Variants in SIPA1L1 observed in about 807,000 individuals in gnomAD.
The protein encoded by SIPA1L1 is signal induced proliferation associated 1 like 1.
A neutral mutation model predicts 162.7 loss-of-function variants in SIPA1L1; 26 were observed. The ratio of observed to expected loss-of-function variants is 0.16; its 90% CI spans 0.12 to 0.22. The LOEUF (loss-of-function observed/expected upper bound fraction) is 0.22. Among genes scored for constraint, SIPA1L1 ranks in the 10% least tolerant of loss-of-function variants. The probability of loss-of-function intolerance (pLI) is 1.00; values close to 1 mark genes in which losing one functional copy is unlikely to be tolerated. For synonymous variants in SIPA1L1, 829 were observed against 837.4 expected (o/e 0.99, Z 0.17); for missense variants, 1,874 against 2,241.0 (o/e 0.84, Z 3.31).
chr14:71,510,016 A>G (rs891096730), intron 2 of SIPA1L1, among the ~76,000 whole-genome samples: 1 of 152,000 alleles, frequency 6.6e-6, no homozygotes, highest in African/African-American at 2.4e-5. Flanking sequence ...CCCCACTTTG[A>G]TCTGGCCTGC....
intron 7 of SIPA1L1, among the ~76,000 whole-genome samples, chr14:71,642,692 A>G (rs1469346957): frequency 6.6e-6 from 1 of 152,188 alleles, no homozygotes; most frequent in Non-Finnish European, 1.5e-5. Flanking sequence ...ATTAAAAACT[A>G]CAAGCAGGAG....
chr14:71,563,244 C>A (rs751520784), intron 4 of SIPA1L1, among the ~76,000 whole-genome samples: 1 of 150,060 alleles, frequency 6.7e-6, no homozygotes, highest in African/African-American at 2.4e-5. Flanking sequence ...AGTACAAATA[C>A]TTCTTTTATC....
chr14:71,582,741 T>A (rs541025040), intron 4 of SIPA1L1, among the ~76,000 whole-genome samples: 1 of 152,346 alleles, frequency 6.6e-6, no homozygotes, highest in South Asian at 2.1e-4. Flanking sequence ...GAGTGAACAT[T>A]AGGAGAGCAG....
intron 2 of SIPA1L1, among the ~76,000 whole-genome samples, chr14:71,339,463 A>G (rs1469766015): frequency 1.3e-5 from 2 of 151,624 alleles, no homozygotes; most frequent in Non-Finnish European, 2.9e-5. Flanking sequence ...CCTGGGTTCA[A>G]GTGATTCTCC....
intron 4 of SIPA1L1, among the ~76,000 whole-genome samples, chr14:71,531,158 A>G (rs1394367614): frequency 2.0e-5 from 3 of 152,152 alleles, no homozygotes; most frequent in African/African-American, 7.2e-5. Flanking sequence ...TTATAGATCA[A>G]TTGTGTCATT....
At chr14:71,693,013 G>C (rs1430668909) in intron 13 of SIPA1L1, among the ~76,000 whole-genome samples, 1 of 152,154 alleles carries the variant, frequency 6.6e-6, no homozygotes, top group Admixed American at 6.5e-5. Flanking sequence ...CCACCTCTTA[G>C]AGTCTGTGAA....
At chr14:71,397,519 A>ATG (rs140427345) in intron 2 of SIPA1L1, among the ~76,000 whole-genome samples, 6 of 151,854 alleles carry the variant, frequency 4.0e-5, no homozygotes, top group South Asian at 2.1e-4. Flanking sequence ...GTGGGGAATA[A>ATG]TGTGTGTGTG....
In SIPA1L1 at chr14:71,687,473, A is replaced by G. The variant is rs111392041; in HGVS notation, c.3374+1842A>G. Among the ~76,000 whole-genome samples, 117 of 152,326 alleles carry G rather than the reference A, an allele frequency of 7.7e-4. 1 individual carries two copies. The highest frequency in any genetic ancestry group is 2.7e-3 in the African/African-American group (114 of 41,576). On this transcript the variant is annotated intron_variant, in intron 13 of 23. Transcript: ENST00000381232. ...TGCTGTTTTCTTTCTCTCCAGAACA[A>G]TCAGCAGGCTTTCACAAGTGAAATT... is the stretch of plus-strand genomic sequence containing the variant.
At chr14:71,540,815 G>C (rs1007986727) in intron 4 of SIPA1L1, among the ~76,000 whole-genome samples, 11 of 152,042 alleles carry the variant, frequency 7.2e-5, no homozygotes, top group African/African-American at 2.2e-4. Context: ...AAGCCAAGCT[G>C]TAACGCATTA....
intron 4 of SIPA1L1, among the ~76,000 whole-genome samples, chr14:71,543,238 GT>G (rs2054636872): frequency 6.6e-6 from 1 of 152,138 alleles, no homozygotes; most frequent in South Asian, 2.1e-4. Context: ...ATTCTTAAAA[GT>G]TCTTTTTAAA....
rs188344813 is a variant in SIPA1L1 at position 71,469,402 on chromosome 14, A to G, written c.-464-43341A>G. Among the ~76,000 whole-genome samples, 9 of 152,198 alleles carry G rather than the reference A, an allele frequency of 5.9e-5. No homozygotes were observed. The East Asian group carries it at 1.5e-3, about 26-fold the overall frequency. On this transcript the variant is annotated intron_variant, in intron 2 of 23. Coordinates refer to ENST00000381232, the MANE Select transcript of SIPA1L1 (RefSeq NM_001386936.1). Reference sequence around the variant, plus strand: ...CATTATTATTTTTGTTTTACCTGTTATGTGTTTGTCCTGTCATCCCCTTCC... The same window carrying G: ...CATTATTATTTTTGTTTTACCTGTTGTGTGTTTGTCCTGTCATCCCCTTCC...
At position 71,740,616 on chromosome 14, in the gene SIPA1L1, A is replaced by C. The variant is rs920438512; in HGVS notation, c.*1455A>C. 43 of 152,214 alleles carry C rather than the reference A, an allele frequency of 2.8e-4. No individual in the cohort carries two copies. The highest frequency in any genetic ancestry group is 2.6e-4 in the Non-Finnish European group (18 of 68,036). 9.4% of individuals were successfully genotyped at this position (152,214 alleles called of 1,614,324 possible). On this transcript the variant is annotated 3_prime_UTR_variant, in exon 24 of 24. Transcript: ENST00000381232. ...TCCTTCCTCTCTCCATCCCTGAAAG[A>C]AACAGGATGGATTTTCCTCTCTTCT...
At chr14:71,586,353 G>A (rs1321902480) in intron 4 of SIPA1L1, 1 of 152,160 alleles carries the variant, frequency 6.6e-6, no homozygotes, top group Non-Finnish European at 1.5e-5. Flanking sequence ...AAGCCGACTA[G>A]GGAGATGCTT....
rs111206663 is a variant in SIPA1L1, at chr14:71,544,079, A to G, written c.-303+14709A>G. On this transcript the variant is annotated intron_variant, in intron 4 of 23. Coordinates refer to ENST00000381232, the MANE Select transcript of SIPA1L1 (RefSeq NM_001386936.1). ...TGTATGTATATACACACGCACGCAC[A>G]TGTATGTATATACACACGCACATGT... 4.5e-3 allele frequency among the ~76,000 whole-genome samples: 674 copies of G among 149,968 alleles called. 5 individuals carry two copies. Among genetic ancestry groups the G allele is most frequent in the African/African-American group, 0.016 (632 of 40,364 alleles).
At chr14:71,402,705 T>C (rs2041762083) in intron 2 of SIPA1L1, among the ~76,000 whole-genome samples, 1 of 152,154 alleles carries the variant, frequency 6.6e-6, no homozygotes, top group Non-Finnish European at 1.5e-5. Flanking sequence ...ATAGAGATAA[T>C]GCCCATGTCC....
intron 2 of SIPA1L1, among the ~76,000 whole-genome samples, chr14:71,389,865 A>G (rs2040611336): frequency 6.6e-6 from 1 of 152,022 alleles, no homozygotes; most frequent in Admixed American, 6.6e-5. Flanking sequence ...CTCGGAGGAG[A>G]GTGGGAAAGG....
At chr14:71,484,618 G>T (rs996476351) in intron 2 of SIPA1L1, among the ~76,000 whole-genome samples, 2 of 152,122 alleles carry the variant, frequency 1.3e-5, no homozygotes, top group Non-Finnish European at 2.9e-5. Context: ...GTGATTATTA[G>T]AATCAGGATT....
chr14:71,421,704 T>C (rs865777135), intron 2 of SIPA1L1, among the ~76,000 whole-genome samples: 2 of 152,348 alleles, frequency 1.3e-5, no homozygotes, highest in Middle Eastern at 3.4e-3. Context: ...TCCCTCCCTT[T>C]CTTCCTTTCT....
chr14:71,695,462 GC>G, intron 13 of SIPA1L1, among the ~76,000 whole-genome samples: 1 of 152,334 alleles, frequency 6.6e-6, no homozygotes, highest in Admixed American at 6.5e-5. Flanking sequence ...TTGAGAACTA[GC>G]CTGCGATATC....
Sources: allele counts gnomAD v4.1 joint callset (sites outside exome capture counted in the v4.1 genomes callset), GRCh38; gene constraint gnomAD v4.1.1; transcripts MANE v1.5; gene names NCBI Gene and HGNC (gene_info 2026-07-23, HGNC 2026-07-21).